Variants in DOCK4 observed in about 807,000 individuals in gnomAD.
The protein encoded by DOCK4 is dedicator of cytokinesis protein 4.
In DOCK4, 97 loss-of-function variants were observed where a neutral mutation model predicts 268.1. The ratio of observed to expected loss-of-function variants is 0.36; its 90% confidence interval spans 0.31 to 0.43. The LOEUF is 0.43. DOCK4 is among the 20% of genes least tolerant of loss of function. The probability of loss-of-function intolerance (pLI) is 1.00; values close to 1 mark genes in which losing one functional copy is unlikely to be tolerated. For synonymous variants in DOCK4, 954 were observed against 887.2 expected (o/e 1.08, Z -1.34); for missense variants, 2,145 against 2,455.7 (o/e 0.87, Z 2.67).
At chr7:111,876,961 T>C (rs1407325409) in intron 17 of DOCK4, 69 bp downstream of exon 17, 5 of 1,256,748 alleles carry the variant, frequency 4.0e-6, no homozygotes, top group Admixed American at 7.6e-5. Flanking sequence ...TGGTGTTTAC[T>C]GAATATGCTT....
chr7:111,969,929 A>T (rs1051844641), intron 8 of DOCK4, among the ~76,000 whole-genome samples: 3 of 152,186 alleles, frequency 2.0e-5, no homozygotes, highest in Non-Finnish European at 2.9e-5. Flanking sequence ...ACCTCAGTTT[A>T]TGCATGTCCA....
chr7:111,843,284 A>C (rs1223067758), intron 25 of DOCK4, among the ~76,000 whole-genome samples: 2 of 152,222 alleles, frequency 1.3e-5, no homozygotes, highest in Non-Finnish European at 2.9e-5. Context: ...TTTGCTCTGC[A>C]AAGCTTGTTA....
chr7:111,768,323 G>A (rs981349676), intron 37 of DOCK4, among the ~76,000 whole-genome samples: 2 of 152,020 alleles, frequency 1.3e-5, no homozygotes, highest in Admixed American at 1.3e-4. Context: ...CAGCAGGAGG[G>A]CACAAAAACA....
intron 1 of DOCK4, among the ~76,000 whole-genome samples, chr7:112,205,279 T>A (rs141692818): frequency 6.6e-6 from 1 of 152,240 alleles, no homozygotes; most frequent in African/African-American, 2.4e-5. Context: ...TCCTAAAAGC[T>A]ATCTCCCTGC....
chr7:111,787,327 C>G (rs1256847905), intron 32 of DOCK4, among the ~76,000 whole-genome samples: 2 of 152,128 alleles, frequency 1.3e-5, no homozygotes, highest in Non-Finnish European at 2.9e-5. Flanking sequence ...ATTTATTATA[C>G]TGCATGAGAT....
intron 44 of DOCK4, among the ~76,000 whole-genome samples, chr7:111,742,863 G>A (rs917336634): frequency 6.6e-6 from 1 of 152,038 alleles, no homozygotes; most frequent in African/African-American, 2.4e-5. Context: ...GTGGTGGCAC[G>A]TGCCTGTAGT....
intron 1 of DOCK4, among the ~76,000 whole-genome samples, chr7:112,025,896 C>A (rs1802744095): frequency 6.6e-6 from 1 of 152,122 alleles, no homozygotes. Flanking sequence ...TAAAGCCTTC[C>A]CTGGCTACTC....
rs76260895 is a variant in DOCK4, at chr7:111,734,513, T to C, written c.5419+541A>G. ...AGATTTTGCTGCTTAAACGACCACC[T>C]GAGGGGATGCGGTACCCTGAATCAA... is the stretch of plus-strand genomic sequence containing the variant. On this transcript the variant is annotated intron_variant, in intron 51 of 52. Coordinates refer to ENST00000428084, the MANE Select transcript of DOCK4 (RefSeq NM_001363540.2). 6.6e-4 allele frequency among the ~76,000 whole-genome samples: 100 copies of C among 152,298 alleles called. No individual in the cohort carries two copies. In the East Asian group the frequency reaches 0.014, roughly 22 times the overall value.
chr7:112,029,758 C>A (rs545945843), intron 1 of DOCK4, among the ~76,000 whole-genome samples: 6 of 152,180 alleles, frequency 3.9e-5, no homozygotes, highest in Non-Finnish European at 8.8e-5. Context: ...GAAGGAGATA[C>A]TAATTCGAAC....
chr7:112,041,158 T>G (rs922462316), intron 1 of DOCK4, among the ~76,000 whole-genome samples: 1 of 152,166 alleles, frequency 6.6e-6, no homozygotes. Flanking sequence ...TTCTGGAGTC[T>G]CCAATACCCA....
chr7:111,901,889 A>C, intron 13 of DOCK4, 88 bp from the exon 14 acceptor site: 1 of 952,394 alleles, frequency 1.0e-6, no homozygotes, highest in Middle Eastern at 2.2e-4. Context: ...TAGTTTATAC[A>C]ATATACTGCT....
intron 1 of DOCK4, among the ~76,000 whole-genome samples, chr7:112,009,324 C>G (rs192723722): frequency 6.6e-6 from 1 of 152,228 alleles, no homozygotes; most frequent in African/African-American, 2.4e-5. Flanking sequence ...TAAAAGGTCA[C>G]TTATGAGTCA....
chr7:112,183,384 A>G (rs1819223132), intron 1 of DOCK4, among the ~76,000 whole-genome samples: 1 of 152,208 alleles, frequency 6.6e-6, no homozygotes, highest in Non-Finnish European at 1.5e-5. Context: ...AGGGCAAAAG[A>G]AATTTCAAAC....
At chr7:111,951,194 T>A (rs1218711182) in intron 8 of DOCK4, among the ~76,000 whole-genome samples, 3 of 152,212 alleles carry the variant, frequency 2.0e-5, no homozygotes, top group Admixed American at 6.5e-5. Context: ...GAAATCAGGA[T>A]AATGAAATAA....
chr7:112,070,693 C>A (rs777241793), intron 1 of DOCK4, among the ~76,000 whole-genome samples: 11 of 151,876 alleles, frequency 7.2e-5, no homozygotes, highest in Non-Finnish European at 1.5e-4. Context: ...TAAAAAAAAA[C>A]TATAAAATTA....
chr7:112,005,726 T>C (rs1800804563), intron 1 of DOCK4, among the ~76,000 whole-genome samples: 1 of 152,176 alleles, frequency 6.6e-6, no homozygotes, highest in African/African-American at 2.4e-5. Flanking sequence ...TCTTGGTGCA[T>C]GGACTTCCCA....
At chr7:111,760,599 C>T (rs954044754) in intron 39 of DOCK4, among the ~76,000 whole-genome samples, 1 of 151,974 alleles carries the variant, frequency 6.6e-6, no homozygotes, top group Non-Finnish European at 1.5e-5. Flanking sequence ...TCTCAGAGCA[C>T]CAAAGTATGA....
At chr7:112,136,644 G>A (rs1195145303) in intron 1 of DOCK4, among the ~76,000 whole-genome samples, 1 of 152,070 alleles carries the variant, frequency 6.6e-6, no homozygotes, top group Non-Finnish European at 1.5e-5. Flanking sequence ...CTATCAGGCT[G>A]GCATAAACAA....
chr7:112,188,426 G>A (rs1411645216), intron 1 of DOCK4, among the ~76,000 whole-genome samples: 1 of 152,226 alleles, frequency 6.6e-6, no homozygotes, highest in African/African-American at 2.4e-5. Flanking sequence ...TCATACAGTT[G>A]TGAAAGAACC....
Sources: allele counts gnomAD v4.1 joint callset (sites outside exome capture counted in the v4.1 genomes callset), GRCh38; gene constraint gnomAD v4.1.1; transcripts MANE v1.5; gene names NCBI Gene and HGNC (gene_info 2026-07-23, HGNC 2026-07-21).